The following HS6ST3 variants were observed in gnomAD, a reference collection of about 807,000 sequenced individuals.
The protein encoded by HS6ST3 is heparan-sulfate 6-O-sulfotransferase 3.
In HS6ST3, 12 loss-of-function variants were observed where a neutral mutation model predicts 36.7. That is an observed-to-expected ratio of 0.33 (90% CI 0.21 to 0.53). The LOEUF is 0.53. HS6ST3 is among the 20% of genes least tolerant of loss of function. The probability of loss-of-function intolerance (pLI) is 0.95; values close to 1 mark genes in which losing one functional copy is unlikely to be tolerated. For synonymous variants in HS6ST3, 240 were observed against 257.5 expected, an observed-to-expected ratio of 0.93 and a Z score of 0.65; for missense variants, 584 against 640.9, an observed-to-expected ratio of 0.91 and a Z score of 0.96.
chr13:96,192,740 A>G (rs938264053), intron 1 of HS6ST3, among the ~76,000 whole-genome samples: 7 of 152,034 alleles, frequency 4.6e-5, no homozygotes, highest in African/African-American at 1.7e-4. Flanking sequence ...TGTCTTTTTC[A>G]TATAAAGGTT....
intron 1 of HS6ST3, among the ~76,000 whole-genome samples, chr13:96,756,057 C>A (rs913984683): frequency 6.6e-6 from 1 of 152,286 alleles, no homozygotes; most frequent in South Asian, 2.1e-4. Flanking sequence ...TTTTAGCTTA[C>A]ACTTCCCTGT....
chr13:96,353,185 C>CT (rs374786123), intron 1 of HS6ST3, among the ~76,000 whole-genome samples: 105 of 151,112 alleles, frequency 6.9e-4, no homozygotes, highest in African/African-American at 2.5e-3. Flanking sequence ...TCCCGAGTAG[C>CT]TGGGACTATA....
rs551711792 is a variant in HS6ST3, at chr13:96,381,698, G to A, written c.707+290129G>A. ...AGCTCTGGAGGTCTGGATAGCTGTG[G>A]CTGTGGAGTCTTAAGGCCTGGCTAG... is the stretch of plus-strand genomic sequence containing the variant. On this transcript the variant is annotated intron_variant, in intron 1 of 1. Coordinates refer to ENST00000376705, the MANE Select transcript of HS6ST3 (RefSeq NM_153456.4). Among the ~76,000 whole-genome samples, 14 of 152,262 alleles carry A rather than the reference G, an allele frequency of 9.2e-5. No individual in the cohort carries two copies. The South Asian group carries it at 2.5e-3, about 27-fold the overall frequency.
chr13:96,465,557 A>G (rs1460397011), intron 1 of HS6ST3, among the ~76,000 whole-genome samples: 1 of 152,196 alleles, frequency 6.6e-6, no homozygotes. Context: ...TTACTTAAGG[A>G]TGCAACCCAC....
rs546601847 is a variant in HS6ST3, at chr13:96,118,109, T to C, written c.707+26540T>C. ...CTGGTCTCAAACTCCTGACCTCAAG[T>C]GATCCACCCACATTGGCCTCCAAAA... On this transcript the variant is annotated intron_variant, in intron 1 of 1. Transcript: ENST00000376705. 2.7e-4 allele frequency among the ~76,000 whole-genome samples: 41 copies of C among 152,102 alleles called. No homozygotes were observed. In the East Asian group the frequency reaches 7.0e-3, roughly 26 times the overall value.
chr13:96,170,165 A>G (rs1361913609), intron 1 of HS6ST3, among the ~76,000 whole-genome samples: 2 of 152,236 alleles, frequency 1.3e-5, no homozygotes, highest in African/African-American at 2.4e-5. Flanking sequence ...AATCAAGAGT[A>G]AATAACACAA....
intron 1 of HS6ST3, among the ~76,000 whole-genome samples, chr13:96,682,918 A>G (rs1410835694): frequency 1.3e-5 from 2 of 152,096 alleles, no homozygotes; most frequent in African/African-American, 4.8e-5. Context: ...GCTCCCATTC[A>G]TTTTTATAAA....
intron 1 of HS6ST3, among the ~76,000 whole-genome samples, chr13:96,523,198 C>T (rs145768111): frequency 0.011 from 1,691 of 152,334 alleles, 32 homozygotes; most frequent in African/African-American, 0.035. Context: ...CCCCCACTCT[C>T]TTCTGGCTTG....
chr13:96,518,629 A>G (rs544868151), intron 1 of HS6ST3, among the ~76,000 whole-genome samples: 1 of 152,146 alleles, frequency 6.6e-6, no homozygotes, highest in African/African-American at 2.4e-5. Context: ...AGTATTATGT[A>G]CTATACATAA....
At chr13:96,167,127 GC>G (rs2054164709) in intron 1 of HS6ST3, among the ~76,000 whole-genome samples, 1 of 152,000 alleles carries the variant, frequency 6.6e-6, no homozygotes, top group Non-Finnish European at 1.5e-5. Context: ...TAATACAGGG[GC>G]AGTCTTTGAA....
chr13:96,091,300 C>A lies in HS6ST3; in HGVS notation c.438C>A (p.Asp146Glu). ...TGGATTTCAACATCAAAGGGCGCGACGTGATCGTGTTCCTCCACATCCAGA... is the reference window on the plus strand; with the variant it reads ...TGGATTTCAACATCAAAGGGCGCGAAGTGATCGTGTTCCTCCACATCCAGA... ...RFVDFNIKGRDVIVFLHIQKT... is the reference protein window; with the variant it reads ...RFVDFNIKGREVIVFLHIQKT... Residue 146 changes from aspartate (D) to glutamate (E), a missense_variant, in exon 1 of 2, where the codon GAC becomes GAA. Coordinates refer to ENST00000376705, the MANE Select transcript of HS6ST3 (RefSeq NM_153456.4). 6.2e-7 allele frequency: 1 copy of A among 1,613,852 alleles called. No homozygotes were observed. Among genetic ancestry groups the A allele is most frequent in the Non-Finnish European group, 8.5e-7 (1 of 1,179,932 alleles).
At chr13:96,403,499 C>G (rs190483829) in intron 1 of HS6ST3, among the ~76,000 whole-genome samples, 2 of 152,200 alleles carry the variant, frequency 1.3e-5, no homozygotes, top group African/African-American at 4.8e-5. Context: ...TCTCCAGTAA[C>G]TCAGATCCCA....
At chr13:96,617,208 A>G (rs2056477698) in intron 1 of HS6ST3, among the ~76,000 whole-genome samples, 1 of 152,230 alleles carries the variant, frequency 6.6e-6, no homozygotes, top group Non-Finnish European at 1.5e-5. Context: ...TGTAAAATAC[A>G]TTTAAATACC....
chr13:96,400,189 A>G (rs901267289), intron 1 of HS6ST3, among the ~76,000 whole-genome samples: 5 of 151,274 alleles, frequency 3.3e-5, no homozygotes, highest in African/African-American at 1.2e-4. Context: ...ACACACAGAC[A>G]CATATATGCA....
chr13:96,138,387 G>GTTTACAGTTTATAAATATATA (rs11274254), intron 1 of HS6ST3, among the ~76,000 whole-genome samples: 3 of 145,500 alleles, frequency 2.1e-5, no homozygotes, highest in South Asian at 2.1e-4. Context: ...AAATATATAT[G>GTTTACAGTTTATAAATATATA]TTTACAGTTT....
At chr13:96,681,101 T>C (rs1432054533) in intron 1 of HS6ST3, among the ~76,000 whole-genome samples, 8 of 152,182 alleles carry the variant, frequency 5.3e-5, no homozygotes, top group Non-Finnish European at 1.0e-4. Context: ...GGACTGTGCT[T>C]ATAGGGGTTC....
Position 96,337,598 on chromosome 13 carries a change from T to C in HS6ST3, c.707+246029T>C, listed in dbSNP as rs140434662. On this transcript the variant is annotated intron_variant, in intron 1 of 1. Transcript: ENST00000376705. ...ACCTTCTCTACTTGGAACATTGTAGTTCTCAGTGCTCTGATATTTCACTGT... is the reference window on the plus strand; with the variant it reads ...ACCTTCTCTACTTGGAACATTGTAGCTCTCAGTGCTCTGATATTTCACTGT... Among the ~76,000 whole-genome samples the C allele has an allele frequency of 3.5e-3, 531 of 152,324 alleles. 7 individuals are homozygous for C. Among genetic ancestry groups the C allele is most frequent in the African/African-American group, 0.012 (512 of 41,578 alleles).
At chr13:96,166,575 C>CTT (rs765190619) in intron 1 of HS6ST3, among the ~76,000 whole-genome samples, 52 of 131,570 alleles carry the variant, frequency 4.0e-4, no homozygotes, top group African/African-American at 1.1e-3. Flanking sequence ...TTCTTTCTTT[C>CTT]TTTTTTTTTT....
intron 1 of HS6ST3, among the ~76,000 whole-genome samples, chr13:96,829,445 C>A (rs1878722756): frequency 6.6e-6 from 1 of 151,816 alleles, no homozygotes; most frequent in East Asian, 1.9e-4. Context: ...AAGCCTAGTA[C>A]CCATTAGTAA....
Sources: gnomAD v4.1 joint callset for allele counts (sites outside exome capture counted in the v4.1 genomes callset) on GRCh38, gnomAD v4.1.1 for gene constraint, MANE v1.5 for transcripts, NCBI Gene and HGNC (gene_info 2026-07-23, HGNC 2026-07-21) for gene names.